ATP6V1B1: variants seen among roughly 807,000 people sequenced by gnomAD.
The protein encoded by ATP6V1B1 is V-type proton ATPase subunit B, kidney isoform.
In ATP6V1B1, 41 loss-of-function variants were observed where a neutral mutation model predicts 62.1. That is an observed-to-expected ratio of 0.66 (90% CI 0.51 to 0.86). ATP6V1B1 has a LOEUF of 0.86. Among genes scored for constraint, ATP6V1B1 ranks in the 40% least tolerant of loss-of-function variants. The pLI, the probability that ATP6V1B1 is intolerant of heterozygous loss-of-function variation, is 0.00. For missense variants in ATP6V1B1, 651 were observed against 697.5 expected (o/e 0.93, Z 0.75); for synonymous variants, 253 against 273.4 (o/e 0.93, Z 0.74).
At chr2:70,950,596 T>C (rs1026881613) in intron 2 of ATP6V1B1, among the ~76,000 whole-genome samples, 2 of 151,740 alleles carry the variant, frequency 1.3e-5, no homozygotes, top group Non-Finnish European at 2.9e-5. Flanking sequence ...TGGTTACTAC[T>C]AAAATAGAAA....
intron 8 of ATP6V1B1, 72 bp from the exon 9 acceptor site, chr2:70,962,705 G>A (rs1046555019): frequency 2.1e-5 from 34 of 1,601,310 alleles, no homozygotes; most frequent in Non-Finnish European, 2.8e-5. Flanking sequence ...TTCACCTTGC[G>A]CTCAGCCCCC....
chr2:70,958,392 C>T lies in ATP6V1B1; in HGVS notation c.333C>T (p.Asp111=), dbSNP rs782767344. 1.9e-6 allele frequency: 3 copies of T among 1,605,890 alleles called. No individual in the cohort carries two copies. The highest frequency in any genetic ancestry group is 1.1e-5 in the South Asian group (1 of 91,000). ...AGACCACTTGCGAATTTACAGGGGACATCCTACGAACTCCGGTGTCAGAGG... is the reference window on the plus strand; with the variant it reads ...AGACCACTTGCGAATTTACAGGGGATATCCTACGAACTCCGGTGTCAGAGG... ...ARKTTCEFTG[D]ILRTPVSEDM... The change falls in exon 4 of 14, where the codon GAC becomes GAT. Residue 111 remains aspartate, a synonymous_variant. Transcript: ENST00000234396.
chr2:70,958,265 C>A, intron 3 of ATP6V1B1, 68 bp from the exon 4 acceptor site: 1 of 1,595,872 alleles, frequency 6.3e-7, no homozygotes, highest in African/African-American at 1.3e-5. Flanking sequence ...ACAGAAAGTG[C>A]CCAGAATGGG....
At chr2:70,938,669 T>C (rs1055864020) in intron 1 of ATP6V1B1, 5 of 985,230 alleles carry the variant, frequency 5.1e-6, no homozygotes, top group Non-Finnish European at 4.8e-6. Flanking sequence ...AACATCTACC[T>C]TGGGAAAGAA....
chr2:70,944,434 C>G (rs1680095825), intron 2 of ATP6V1B1, among the ~76,000 whole-genome samples: 1 of 151,798 alleles, frequency 6.6e-6, no homozygotes, highest in African/African-American at 2.4e-5. Flanking sequence ...CACCTCCTAG[C>G]TGAGCAAACT....
At chr2:70,936,116 G>A (rs1224319474) in intron 1 of ATP6V1B1, 44 bp downstream of exon 1, 3 of 1,586,490 alleles carry the variant, frequency 1.9e-6, no homozygotes, top group African/African-American at 2.7e-5. Flanking sequence ...AGGGTGGGGA[G>A]CTGGGGTGGG....
chr2:70,947,296 C>G (rs1680204537), intron 2 of ATP6V1B1, among the ~76,000 whole-genome samples: 1 of 152,148 alleles, frequency 6.6e-6, no homozygotes. Flanking sequence ...GTTGAACAAG[C>G]ATCAGAATAT....
Position 70,959,834 on chromosome 2 carries a change from G to A in ATP6V1B1, c.446-105G>A. On this transcript the variant is annotated intron_variant, in intron 5 of 13. Transcript: ENST00000234396. The surrounding 1 kb of genome is among the most constrained non-coding windows in gnomAD (Gnocchi z 4.2). Reference sequence around the variant, plus strand: ...GCCAGAGCACGTTTCTATCATCACAGAAAGTTCCGTCAAACAGGGCGGCTC... The same window carrying A: ...GCCAGAGCACGTTTCTATCATCACAAAAAGTTCCGTCAAACAGGGCGGCTC... 7 of 1,577,678 alleles carry A rather than the reference G, an allele frequency of 4.4e-6. No homozygotes were observed. In the South Asian group the frequency reaches 7.9e-5, roughly 18 times the overall value.
rs1553420750 is a variant in ATP6V1B1 at position 70,964,733 on chromosome 2, C to T, written c.1249-3C>T. The T allele has an allele frequency of 1.2e-6, 2 of 1,613,722 alleles. No homozygotes were observed. Among genetic ancestry groups the T allele is most frequent in the Non-Finnish European group, 1.7e-6 (2 of 1,179,972 alleles). ...GGCCACCGACGCCTTGCCCCTCCCC[C>T]AGTACGCCTGCTATGCCATCGGGAA... On this transcript the variant is annotated splice_region_variant and splice_polypyrimidine_tract_variant and intron_variant, in intron 12 of 13. Coordinates refer to ENST00000234396, the MANE Select transcript of ATP6V1B1 (RefSeq NM_001692.4).
intron 1 of ATP6V1B1, chr2:70,941,942 AG>A (rs1680014846): frequency 2.0e-6 from 2 of 997,068 alleles, no homozygotes; most frequent in Non-Finnish European, 2.4e-6. Flanking sequence ...GGCCAAGGAG[AG>A]GGTGGAAGGT....
intron 2 of ATP6V1B1, among the ~76,000 whole-genome samples, chr2:70,950,180 T>G (rs1680286461): frequency 6.6e-6 from 1 of 152,158 alleles, no homozygotes; most frequent in Non-Finnish European, 1.5e-5. Context: ...TTTTTTTCTT[T>G]CCTACTGATC....
intron 2 of ATP6V1B1, among the ~76,000 whole-genome samples, chr2:70,945,914 C>T (rs58441392): frequency 0.011 from 1,682 of 151,674 alleles, 33 homozygotes; most frequent in East Asian, 0.047. Flanking sequence ...CTGGATGCCT[C>T]TCCCTCTTCT....
rs141655267 is a variant in ATP6V1B1, at chr2:70,960,500, C to T, written c.586-421C>T. Among the ~76,000 whole-genome samples, 319 of 152,306 alleles carry T rather than the reference C, an allele frequency of 2.1e-3. 2 individuals carry two copies. The highest frequency in any genetic ancestry group is 3.4e-3 in the Middle Eastern group (1 of 294). On this transcript the variant is annotated intron_variant, in intron 6 of 13. Transcript: ENST00000234396. ...CAGCACCCTGATCACTCAAAATGGC[C>T]TGAGTGATCAGAGGGCATAAGTGCC... is the stretch of plus-strand genomic sequence containing the variant.
chr2:70,935,972 C>G lies in ATP6V1B1; in HGVS notation c.18C>G (p.Asp6Glu). The G allele has an allele frequency of 1.9e-6, 3 of 1,613,782 alleles. No individual in the cohort carries two copies. The highest frequency in any genetic ancestry group is 2.5e-6 in the Non-Finnish European group (3 of 1,179,860). Residue 6 changes from aspartate (D) to glutamate (E), a missense_variant, in exon 1 of 14, where the codon GAC becomes GAG. By Grantham distance (45) the Asp-to-Glu change is conservative (BLOSUM62 2). Coordinates refer to ENST00000234396, the MANE Select transcript of ATP6V1B1 (RefSeq NM_001692.4). Reference sequence around the variant, plus strand: ...ACTGCTCCATGGCCATGGAGATAGACAGCAGGCCTGGGGGGCTCCCCGGCA... The same window carrying G: ...ACTGCTCCATGGCCATGGAGATAGAGAGCAGGCCTGGGGGGCTCCCCGGCA... MAMEI[D>E]SRPGGLPGSS... is the part of the protein sequence containing the mutation.
At chr2:70,944,343 C>A in intron 2 of ATP6V1B1, 2 of 749,680 alleles carry the variant, frequency 2.7e-6, no homozygotes, top group Non-Finnish European at 3.7e-6. Context: ...ATTCTTGAGC[C>A]ATAAAGAGCC....
At chr2:70,961,793 C>A in intron 8 of ATP6V1B1, 100 bp downstream of exon 8, 1 of 1,163,482 alleles carries the variant, frequency 8.6e-7, no homozygotes, top group Non-Finnish European at 1.3e-6. Context: ...AGAACTACAG[C>A]CATACGCCAG....
chr2:70,941,294 T>A, intron 1 of ATP6V1B1: 1 of 985,552 alleles, frequency 1.0e-6, no homozygotes, highest in Non-Finnish European at 1.2e-6. Flanking sequence ...CCACAGATGA[T>A]GTCTTGCCCT....
intron 1 of ATP6V1B1, chr2:70,941,232 T>C (rs987519905): frequency 3.1e-5 from 30 of 971,634 alleles, no homozygotes; most frequent in Non-Finnish European, 3.7e-5. Flanking sequence ...ATTTCTTGAG[T>C]GTGTACCATA....
At chr2:70,946,715 A>C (rs570982708) in intron 2 of ATP6V1B1, among the ~76,000 whole-genome samples, 7 of 152,338 alleles carry the variant, frequency 4.6e-5, no homozygotes, top group African/African-American at 1.7e-4. Flanking sequence ...CTGATTCAAC[A>C]GTTGGTGCCA....
Sources: allele counts gnomAD v4.1 joint callset (sites outside exome capture counted in the v4.1 genomes callset), GRCh38; gene constraint gnomAD v4.1.1; non-coding constraint Gnocchi (gnomAD v3.1); transcripts MANE v1.5; gene names NCBI Gene and HGNC (gene_info 2026-07-23, HGNC 2026-07-21).